PCSK5: variants seen among roughly 807,000 people sequenced by gnomAD.
PCSK5 encodes proprotein convertase subtilisin/kexin type 5.
PCSK5 carries 129 observed loss-of-function variants against 233.2 expected under a neutral mutation model. The ratio of observed to expected loss-of-function variants is 0.55; its 90% CI spans 0.48 to 0.64. The LOEUF (loss-of-function observed/expected upper bound fraction) is 0.64, where lower values mean the gene tolerates loss of function less well. Ranked by LOEUF, PCSK5 falls within the 30% of genes least tolerant of loss-of-function variation. The pLI is 0.00. For missense variants in PCSK5, 2,076 were observed against 2,430.1 expected, an observed-to-expected ratio of 0.85 and a Z score of 3.06; for synonymous variants, 825 against 879.2, an observed-to-expected ratio of 0.94 and a Z score of 1.09.
chr9:76,337,270 T>C (rs11144835), intron 34 of PCSK5, among the ~76,000 whole-genome samples: 36,344 of 150,920 alleles, frequency 0.24, 5,043 homozygotes, highest in East Asian at 0.54. Flanking sequence ...TTCAAACAAT[T>C]CTCATGCCTC....
At position 76,188,618 on chromosome 9, in the gene PCSK5, C is replaced by A. The variant is rs774202283; in HGVS notation, c.2323C>A (p.Arg775=). The A allele has an allele frequency of 6.2e-7, 1 of 1,613,560 alleles. No individual in the cohort carries two copies. Among genetic ancestry groups the A allele is most frequent in the Non-Finnish European group, 8.5e-7 (1 of 1,179,682 alleles). The stretch of plus-strand genomic sequence containing the variant: ...GTGCTCTGTCTCCTGTGAAGATGGA[C>A]GGTATTTCAACGGCCAGGACTGCCA... ...SRCSVSCEDG[R]YFNGQDCQPC... The change falls in exon 18 of 38, where the codon CGG becomes AGG. Residue 775 remains arginine, a synonymous_variant. Coordinates refer to ENST00000674117, the MANE Select transcript of PCSK5 (RefSeq NM_001372043.1).
chr9:76,240,800 C>T (rs1294202028), intron 24 of PCSK5, 116 bp downstream of exon 24: 6 of 711,800 alleles, frequency 8.4e-6, no homozygotes, highest in East Asian at 2.7e-5. Flanking sequence ...GCCTCAGTGA[C>T]ACCATCAACG....
At chr9:76,298,236 C>G (rs1021336452) in intron 27 of PCSK5, among the ~76,000 whole-genome samples, 4 of 152,036 alleles carry the variant, frequency 2.6e-5, no homozygotes, top group Non-Finnish European at 5.9e-5. Context: ...ACGCATTTTG[C>G]AAGCAGAAAC....
At chr9:76,101,036 T>C (rs1437546856) in intron 8 of PCSK5, among the ~76,000 whole-genome samples, 1 of 152,198 alleles carries the variant, frequency 6.6e-6, no homozygotes, top group Non-Finnish European at 1.5e-5. Context: ...GGCACACCCC[T>C]CCACCACTCT....
intron 24 of PCSK5, among the ~76,000 whole-genome samples, chr9:76,254,430 T>C (rs1447503360): frequency 6.6e-6 from 1 of 152,048 alleles, no homozygotes; most frequent in Admixed American, 6.6e-5. Flanking sequence ...AATGTCTAAC[T>C]TTTTTCTTCT....
chr9:76,263,436 T>C (rs187605761), intron 24 of PCSK5, among the ~76,000 whole-genome samples: 4 of 152,260 alleles, frequency 2.6e-5, no homozygotes, highest in Admixed American at 2.6e-4. Context: ...CACCACGGAA[T>C]ACTATAAAGC....
intron 24 of PCSK5, among the ~76,000 whole-genome samples, chr9:76,242,695 G>A (rs1826467755): frequency 6.6e-6 from 1 of 152,218 alleles, no homozygotes; most frequent in African/African-American, 2.4e-5. Context: ...CATTTCAGAT[G>A]TATTTTCCCA....
chr9:76,172,317 C>T (rs953319092), intron 13 of PCSK5, among the ~76,000 whole-genome samples: 3 of 151,054 alleles, frequency 2.0e-5, no homozygotes, highest in Non-Finnish European at 2.9e-5. Context: ...TAACAGGTTT[C>T]AATATTAATT....
chr9:76,117,657 C>T (rs577225264), intron 9 of PCSK5, among the ~76,000 whole-genome samples: 1 of 152,238 alleles, frequency 6.6e-6, no homozygotes, highest in South Asian at 2.1e-4. Context: ...ATAATTTTTA[C>T]ATTCCTATAA....
chr9:76,070,152 C>G (rs960928869), intron 6 of PCSK5, among the ~76,000 whole-genome samples: 3 of 152,068 alleles, frequency 2.0e-5, no homozygotes, highest in African/African-American at 7.2e-5. Context: ...AGGTGCCCAC[C>G]ACTGCGCCCG....
chr9:76,007,798 G>GTGTGTC (rs2131444813), intron 3 of PCSK5, among the ~76,000 whole-genome samples: 2 of 116,364 alleles, frequency 1.7e-5, no homozygotes, highest in African/African-American at 9.1e-5. Flanking sequence ...GGCTAATTTT[G>GTGTGTC]TGTGTGTGTG....
chr9:76,215,157 A>C (rs1321435436), intron 20 of PCSK5, among the ~76,000 whole-genome samples: 5 of 152,250 alleles, frequency 3.3e-5, no homozygotes, highest in African/African-American at 1.2e-4. Context: ...CCATTTTGGC[A>C]AACTGTGAAC....
At chr9:76,054,717 G>T (rs1046351654) in intron 5 of PCSK5, among the ~76,000 whole-genome samples, 9 of 152,126 alleles carry the variant, frequency 5.9e-5, no homozygotes, top group African/African-American at 9.7e-5. Flanking sequence ...ATAGTACAGA[G>T]TTCTTTACTT....
At chr9:75,951,627 T>C (rs984038244) in intron 2 of PCSK5, among the ~76,000 whole-genome samples, 1 of 152,148 alleles carries the variant, frequency 6.6e-6, no homozygotes, top group African/African-American at 2.4e-5. Context: ...TAAAATCCTT[T>C]GCTTTATGTA....
chr9:76,209,538 G>T lies in PCSK5; in HGVS notation c.2627-17965G>T, dbSNP rs780717673. The T allele has an allele frequency of 5.8e-6, 3 of 515,200 alleles. No individual in the cohort carries two copies. The East Asian group carries it at 1.7e-4, about 29-fold the overall frequency. The allele number at this position is 515,200 out of a possible 1,614,324, so 31.9% of individuals were successfully genotyped here. A position where few individuals can be genotyped will look rare whatever the true frequency, so the allele number is the denominator to read the frequency against. ...GGCGCTCAATAATTAGATGATGAAT[G>T]AATTACTGAGTGCCTTTTCATGGAG... On this transcript the variant is annotated intron_variant, in intron 20 of 37. Coordinates refer to ENST00000674117, the MANE Select transcript of PCSK5 (RefSeq NM_001372043.1).
intron 24 of PCSK5, among the ~76,000 whole-genome samples, chr9:76,246,612 C>T (rs539638601): frequency 1.3e-5 from 2 of 152,294 alleles, no homozygotes; most frequent in Non-Finnish European, 2.9e-5. Flanking sequence ...AGATTCAAAA[C>T]AGCATATTCA....
chr9:76,295,414 A>G lies in PCSK5; in HGVS notation c.3322+3A>G. 1.2e-6 allele frequency: 2 copies of G among 1,611,782 alleles called. No homozygotes were observed. Among genetic ancestry groups the G allele is most frequent in the Non-Finnish European group, 1.7e-6 (2 of 1,179,400 alleles). ...TGAAGAGGGCTTCTTTCTCTTAGGTAAGTTAGAAAATGGCACCATCCAAGC... is the reference window on the plus strand; with the variant it reads ...TGAAGAGGGCTTCTTTCTCTTAGGTGAGTTAGAAAATGGCACCATCCAAGC... On this transcript the variant is annotated splice_donor_region_variant and intron_variant, in intron 26 of 37. Coordinates refer to ENST00000674117, the MANE Select transcript of PCSK5 (RefSeq NM_001372043.1).
intron 9 of PCSK5, among the ~76,000 whole-genome samples, chr9:76,121,221 G>T (rs1832618674): frequency 6.6e-6 from 1 of 151,398 alleles, no homozygotes; most frequent in East Asian, 1.9e-4. Context: ...AATGAGATTT[G>T]GGTGTTTCCG....
At chr9:76,282,303 A>C in intron 24 of PCSK5, among the ~76,000 whole-genome samples, 1 of 114,592 alleles carries the variant, frequency 8.7e-6, no homozygotes, top group Non-Finnish European at 1.9e-5. Context: ...TTTATTTCCA[A>C]TTTTTTCTTT....
Sources: allele counts gnomAD v4.1 joint callset (sites outside exome capture counted in the v4.1 genomes callset), GRCh38; gene constraint gnomAD v4.1.1; transcripts MANE v1.5; gene names NCBI Gene and HGNC (gene_info 2026-07-23, HGNC 2026-07-21).